Variants in FAM81A observed in about 807,000 individuals in gnomAD.
FAM81A encodes protein FAM81A.
FAM81A carries 19 observed loss-of-function variants against 46.7 expected under a neutral mutation model. That is an observed-to-expected ratio of 0.41 (90% CI 0.28 to 0.60). FAM81A has a LOEUF of 0.60. FAM81A is among the 20% of genes least tolerant of loss of function. FAM81A has a pLI of 0.34. For missense variants in FAM81A, 377 were observed against 453.5 expected, an observed-to-expected ratio of 0.83 and a Z score of 1.53; for synonymous variants, 183 against 152.9, an observed-to-expected ratio of 1.20 and a Z score of -1.45.
rs1326059935 is a variant in FAM81A, at chr15:59,508,843, A to G, written c.544-20A>G. 1.3e-6 allele frequency: 2 copies of G among 1,597,664 alleles called. No individual in the cohort carries two copies. The highest frequency in any genetic ancestry group is 1.7e-6 in the Non-Finnish European group (2 of 1,168,460). ...TGAAGACGTTAGATGTGATATTTAT[A>G]AGCAAGATTTCTTTTCCAGATTTCT... On this transcript the variant is annotated intron_variant, in intron 5 of 8. Transcript: ENST00000288228.
chr15:59,428,047 T>C, intron 2 of FAM81A, among the ~76,000 whole-genome samples: 1 of 152,228 alleles, frequency 6.6e-6, no homozygotes, highest in East Asian at 1.9e-4. Context: ...TTCCCTCTTC[T>C]GCACATCTTT....
chr15:59,497,588 T>G (rs577714697), intron 4 of FAM81A, among the ~76,000 whole-genome samples: 9 of 152,126 alleles, frequency 5.9e-5, no homozygotes, highest in African/African-American at 1.7e-4. Flanking sequence ...GGGTTCAGTG[T>G]CTCATGCCTG....
At chr15:59,452,663 A>T (rs2081433043) in intron 1 of FAM81A, among the ~76,000 whole-genome samples, 1 of 152,212 alleles carries the variant, frequency 6.6e-6, no homozygotes, top group Non-Finnish European at 1.5e-5. Context: ...AAAAATTTTT[A>T]ATGGTGATGT....
intron 1 of FAM81A, among the ~76,000 whole-genome samples, chr15:59,453,453 C>A (rs1237109614): frequency 6.6e-6 from 1 of 152,162 alleles, no homozygotes. Flanking sequence ...CGTTACGTTA[C>A]GTGTGAGCAG....
chr15:59,434,017 G>A (rs555928214), upstream of FAM81A, among the ~76,000 whole-genome samples: 118 of 152,054 alleles, frequency 7.8e-4, no homozygotes, highest in African/African-American at 1.4e-3. Flanking sequence ...CACCATGCCC[G>A]GCTAGCTTTT....
At chr15:59,413,083 C>T (rs2081129290) in intron 2 of FAM81A, among the ~76,000 whole-genome samples, 1 of 152,124 alleles carries the variant, frequency 6.6e-6, no homozygotes, top group Non-Finnish European at 1.5e-5. Flanking sequence ...CAACAGCACG[C>T]CACACAAGGC....
chr15:59,415,470 C>A (rs758776797), intron 2 of FAM81A, among the ~76,000 whole-genome samples: 1 of 152,120 alleles, frequency 6.6e-6, no homozygotes, highest in Non-Finnish European at 1.5e-5. Flanking sequence ...CCAATCTAAT[C>A]ATGAGTGCTT....
intron 3 of FAM81A, among the ~76,000 whole-genome samples, chr15:59,479,519 GAAAA>G (rs57107735): frequency 3.9e-4 from 28 of 72,658 alleles, no homozygotes; most frequent in South Asian, 2.7e-3. Flanking sequence ...TCAAAAATAA[GAAAA>G]AAAAAAAAAA....
intron 4 of FAM81A, among the ~76,000 whole-genome samples, chr15:59,499,926 C>T (rs1208316266): frequency 6.6e-6 from 1 of 150,796 alleles, no homozygotes; most frequent in African/African-American, 2.4e-5. Flanking sequence ...GATCTCAGCT[C>T]ACTGCAACCT....
intron 2 of FAM81A, among the ~76,000 whole-genome samples, chr15:59,427,258 A>G (rs1382130521): frequency 6.6e-6 from 1 of 151,982 alleles, no homozygotes; most frequent in African/African-American, 2.4e-5. Context: ...TCACAGGTGC[A>G]TGCCACCAAG....
intron 1 of FAM81A, among the ~76,000 whole-genome samples, chr15:59,455,697 G>C (rs575997952): frequency 1.3e-5 from 2 of 152,150 alleles, no homozygotes; most frequent in South Asian, 4.1e-4. Flanking sequence ...GCTGCATAGC[G>C]CTTAGGAGGG....
In FAM81A at chr15:59,493,009, A is replaced by C. The variant is rs564912673; in HGVS notation, c.413+620A>C. On this transcript the variant is annotated intron_variant, in intron 4 of 8. Transcript: ENST00000288228. ...CTGTACCAGGACTGTGTCTAGGGCT[A>C]TTTTTATCTGGCTGGGACAAATTTG... Among the ~76,000 whole-genome samples, 385 of 152,260 alleles carry C rather than the reference A, an allele frequency of 2.5e-3. 3 individuals carry two copies. Among genetic ancestry groups the C allele is most frequent in the African/African-American group, 9.1e-3 (379 of 41,558 alleles).
chr15:59,447,306 A>T (rs1252756733), intron 1 of FAM81A, among the ~76,000 whole-genome samples: 1 of 152,212 alleles, frequency 6.6e-6, no homozygotes, highest in Non-Finnish European at 1.5e-5. Flanking sequence ...TGGTGTAAGG[A>T]TGCCTAATGT....
intron 8 of FAM81A, among the ~76,000 whole-genome samples, chr15:59,520,016 G>T (rs895273751): frequency 1.8e-4 from 28 of 151,962 alleles, no homozygotes; most frequent in African/African-American, 6.3e-4. Context: ...CATCCCGCAG[G>T]CCACATGCGA....
At chr15:59,406,633 C>T (rs1470194617) in intron 2 of FAM81A, among the ~76,000 whole-genome samples, 8 of 152,144 alleles carry the variant, frequency 5.3e-5, no homozygotes, top group Admixed American at 2.6e-4. Flanking sequence ...CAAAATGTTT[C>T]CTCATGTCCA....
rs556523215 is a variant in FAM81A at position 59,463,444 on chromosome 15, T to A, written c.294+3238T>A. ...ACTAATGTAAGTTCTTTTTAAAAGG[T>A]AGTTTTGGACTAGTCTATGTCCTTT... On this transcript the variant is annotated intron_variant, in intron 3 of 8. Transcript: ENST00000288228. 1.3e-4 allele frequency among the ~76,000 whole-genome samples: 20 copies of A among 152,324 alleles called. No individual in the cohort carries two copies. The South Asian group carries it at 3.5e-3, about 27-fold the overall frequency.
intron 2 of FAM81A, among the ~76,000 whole-genome samples, chr15:59,421,159 T>C (rs550304940): frequency 6.6e-6 from 1 of 152,210 alleles, no homozygotes; most frequent in Non-Finnish European, 1.5e-5. Flanking sequence ...AGACCCAGGT[T>C]GGGACCCTTG....
Position 59,514,409 on chromosome 15 carries a change from T to C in FAM81A, c.771T>C (p.Ile257=). The C allele has an allele frequency of 6.2e-7, 1 of 1,613,082 alleles. No individual in the cohort carries two copies. Among genetic ancestry groups the C allele is most frequent in the Non-Finnish European group, 8.5e-7 (1 of 1,179,622 alleles). The stretch of plus-strand genomic sequence containing the variant: ...AGAAAATTGATCAGCTTTCCTTGAT[T>C]GTTAAGGAAAACAGTGTAGGTATTG... ...LLQKIDQLSL[I]VKENSGASER... Residue 257 remains isoleucine, a synonymous_variant, in exon 7 of 9, where the codon ATT becomes ATC. Transcript: ENST00000288228.
chr15:59,461,107 C>T (rs1319735587), intron 3 of FAM81A, among the ~76,000 whole-genome samples: 1 of 152,122 alleles, frequency 6.6e-6, no homozygotes, highest in Non-Finnish European at 1.5e-5. Context: ...CAACACAATT[C>T]AATTTTAGGA....
Sources: allele counts gnomAD v4.1 joint callset (sites outside exome capture counted in the v4.1 genomes callset), GRCh38; gene constraint gnomAD v4.1.1; transcripts MANE v1.5; gene names NCBI Gene and HGNC (gene_info 2026-07-23, HGNC 2026-07-21).